Variants in CPA6 observed in about 807,000 individuals in gnomAD.
CPA6 encodes the protein carboxypeptidase A6.
A neutral mutation model predicts 63.3 loss-of-function variants in CPA6; 58 were observed. The ratio of observed to expected loss-of-function variants is 0.92; its 90% CI spans 0.74 to 1.14. The LOEUF is 1.14. Ranked by LOEUF, CPA6 falls within the 50% of genes most tolerant of loss-of-function variation. The pLI is 0.00. For missense variants in CPA6, 565 were observed against 526.6 expected (o/e 1.07, Z -0.71); for synonymous variants, 185 against 179.0 (o/e 1.03, Z -0.27).
chr8:67,683,994 T>C lies in CPA6; in HGVS notation c.117-59743A>G, dbSNP rs1587699510. Among the ~76,000 whole-genome samples, 4 of 101,516 alleles carry C rather than the reference T, an allele frequency of 3.9e-5. No individual in the cohort carries two copies. The South Asian group carries it at 1.5e-3, about 37-fold the overall frequency. The allele number at this position is 101,516 out of a possible 152,430, so 66.6% of individuals were successfully genotyped here. On this transcript the variant is annotated intron_variant, in intron 1 of 10. Transcript: ENST00000297770. ...CACATGCTGTTATGTCTGGCTGATTTTAAAATGTATATATATATATATATA... is the reference window on the plus strand; with the variant it reads ...CACATGCTGTTATGTCTGGCTGATTCTAAAATGTATATATATATATATATA...
At chr8:67,714,855 C>G (rs1817345017) in intron 1 of CPA6, among the ~76,000 whole-genome samples, 1 of 152,102 alleles carries the variant, frequency 6.6e-6, no homozygotes, top group South Asian at 2.1e-4. Context: ...CTGTTGGGAT[C>G]CCTTTCTACT....
chr8:67,606,045 G>A (rs1360782285), intron 2 of CPA6, among the ~76,000 whole-genome samples: 2 of 151,342 alleles, frequency 1.3e-5, no homozygotes, highest in East Asian at 3.9e-4. Flanking sequence ...TTGTCTTTGC[G>A]ATAGTTTACT....
At chr8:67,620,456 G>A (rs543187362) in intron 2 of CPA6, among the ~76,000 whole-genome samples, 4 of 152,180 alleles carry the variant, frequency 2.6e-5, no homozygotes, top group Non-Finnish European at 4.4e-5. Context: ...CTATCACAGT[G>A]TGATTTAGGG....
intron 2 of CPA6, among the ~76,000 whole-genome samples, chr8:67,621,160 G>T (rs1325856943): frequency 5.3e-5 from 8 of 152,194 alleles, no homozygotes; most frequent in African/African-American, 1.9e-4. Context: ...AGCACATCCT[G>T]TGTGACTCTA....
chr8:67,460,232 G>C (rs1164147306), intron 8 of CPA6, among the ~76,000 whole-genome samples: 2 of 152,218 alleles, frequency 1.3e-5, no homozygotes, highest in Non-Finnish European at 2.9e-5. Context: ...GCTCATAGCA[G>C]AGGATCAATA....
chr8:67,555,877 AC>A (rs1424320398), intron 2 of CPA6, among the ~76,000 whole-genome samples: 11 of 152,152 alleles, frequency 7.2e-5, no homozygotes, highest in Non-Finnish European at 1.2e-4. Flanking sequence ...TATTACATTC[AC>A]CCATTTTTCT....
At chr8:67,448,787 T>C (rs1420585428) in intron 8 of CPA6, among the ~76,000 whole-genome samples, 1 of 152,022 alleles carries the variant, frequency 6.6e-6, no homozygotes, top group Admixed American at 6.6e-5. Flanking sequence ...TTTTATCACT[T>C]TATTTTTTTC....
chr8:67,707,062 GGCTT>G (rs1161980827), intron 1 of CPA6, among the ~76,000 whole-genome samples: 3 of 152,136 alleles, frequency 2.0e-5, no homozygotes, highest in South Asian at 4.2e-4. Context: ...CTTTGACTGT[GGCTT>G]GCTTAAGACT....
intron 1 of CPA6, among the ~76,000 whole-genome samples, chr8:67,634,548 C>A (rs571761250): frequency 1.3e-5 from 2 of 151,558 alleles, no homozygotes; most frequent in South Asian, 4.1e-4. Context: ...CTTCACTTTG[C>A]GGGGAGAAAG....
chr8:67,706,187 G>A (rs1236810903), intron 1 of CPA6, among the ~76,000 whole-genome samples: 2 of 152,168 alleles, frequency 1.3e-5, no homozygotes, highest in Non-Finnish European at 2.9e-5. Context: ...CAACTACTAT[G>A]ACTTTTAATT....
At chr8:67,700,240 G>C (rs990872580) in intron 1 of CPA6, among the ~76,000 whole-genome samples, 1 of 152,090 alleles carries the variant, frequency 6.6e-6, no homozygotes, top group African/African-American at 2.4e-5. Flanking sequence ...TACTTAAAGT[G>C]GCTTACACAA....
intron 1 of CPA6, among the ~76,000 whole-genome samples, chr8:67,648,840 TTAGAA>T (rs1280381290): frequency 1.3e-5 from 2 of 152,166 alleles, no homozygotes; most frequent in Non-Finnish European, 2.9e-5. Context: ...GAAATGACTG[TTAGAA>T]TAGAACTGGG....
intron 2 of CPA6, among the ~76,000 whole-genome samples, chr8:67,614,473 A>G (rs1814890422): frequency 6.6e-6 from 1 of 152,200 alleles, no homozygotes; most frequent in African/African-American, 2.4e-5. Context: ...AAGAAACCAG[A>G]TGGTCTGGAT....
At chr8:67,527,752 T>A (rs1275538635) in intron 2 of CPA6, among the ~76,000 whole-genome samples, 1 of 152,252 alleles carries the variant, frequency 6.6e-6, no homozygotes, top group Admixed American at 6.5e-5. Context: ...ATTCCATTTT[T>A]AAAAAGTTAA....
chr8:67,475,877 T>C (rs867031728), intron 8 of CPA6, among the ~76,000 whole-genome samples: 2,244 of 72,134 alleles, frequency 0.031, 157 homozygotes, highest in African/African-American at 0.12. Context: ...CTTTCTTTCT[T>C]TCTCCTTTCT....
intron 1 of CPA6, among the ~76,000 whole-genome samples, chr8:67,643,456 C>A (rs1179135395): frequency 6.6e-6 from 1 of 152,110 alleles, no homozygotes; most frequent in Non-Finnish European, 1.5e-5. Context: ...ATGATTAAAA[C>A]AAGTCACAGA....
chr8:67,573,467 C>T (rs1004607934), intron 2 of CPA6, among the ~76,000 whole-genome samples: 6 of 152,098 alleles, frequency 3.9e-5, no homozygotes, highest in African/African-American at 1.4e-4. Flanking sequence ...TGGCATTTCT[C>T]TACATTCACA....
chr8:67,656,459 T>C (rs1587676372), intron 1 of CPA6, among the ~76,000 whole-genome samples: 1 of 152,170 alleles, frequency 6.6e-6, no homozygotes, highest in East Asian at 1.9e-4. Context: ...CACTTCTAAT[T>C]TAAGGCTCAT....
At chr8:67,478,885 G>A (rs1312398292) in intron 8 of CPA6, among the ~76,000 whole-genome samples, 1 of 152,116 alleles carries the variant, frequency 6.6e-6, no homozygotes, top group Non-Finnish European at 1.5e-5. Context: ...TTAGCCCGGC[G>A]TGGTGGTGGG....
Sources: allele counts gnomAD v4.1 joint callset (sites outside exome capture counted in the v4.1 genomes callset), GRCh38; gene constraint gnomAD v4.1.1; transcripts MANE v1.5; gene names NCBI Gene and HGNC (gene_info 2026-07-23, HGNC 2026-07-21).